Variants in DPP6 observed in about 807,000 individuals in gnomAD.
DPP6 encodes the protein A-type potassium channel modulatory protein DPP6.
A neutral mutation model predicts 122.6 loss-of-function variants in DPP6; 69 were observed. The observed-to-expected ratio is 0.56, with a 90% CI of 0.46 to 0.69. The LOEUF (loss-of-function observed/expected upper bound fraction) is 0.69, where lower values mean the gene tolerates loss of function less well. Among genes scored for constraint, DPP6 ranks in the 30% least tolerant of loss-of-function variants. The pLI, the probability that DPP6 is intolerant of heterozygous loss-of-function variation, is 0.00. For synonymous variants in DPP6, 418 were observed against 433.1 expected, an observed-to-expected ratio of 0.97 and a Z score of 0.43; for missense variants, 928 against 1,116.9, an observed-to-expected ratio of 0.83 and a Z score of 2.41.
chr7:154,497,624 AAAAAG>A (rs1420957753), intron 3 of DPP6, among the ~76,000 whole-genome samples: 2 of 152,178 alleles, frequency 1.3e-5, no homozygotes, highest in Non-Finnish European at 2.9e-5. Flanking sequence ...AAAGAAAAAA[AAAAAG>A]AAAAGAAAAA....
chr7:154,266,121 G>T (rs913403150), intron 1 of DPP6, among the ~76,000 whole-genome samples: 2 of 152,220 alleles, frequency 1.3e-5, no homozygotes, highest in East Asian at 3.9e-4. Flanking sequence ...AGATACTGTT[G>T]TCGTTTCCTT....
chr7:154,758,636 T>G (rs2131500894), intron 8 of DPP6, among the ~76,000 whole-genome samples: 1 of 152,256 alleles, frequency 6.6e-6, no homozygotes, highest in South Asian at 2.1e-4. Context: ...CCTCCCAAAG[T>G]GCTGAGATTA....
At chr7:153,772,878 A>G in the DPP6 span, among the ~76,000 whole-genome samples, 1 of 144,084 alleles carries the variant, frequency 6.9e-6, no homozygotes, top group East Asian at 1.9e-4. Flanking sequence ...TTTCTTTTAT[A>G]TTAATATCAT....
intron 1 of DPP6, among the ~76,000 whole-genome samples, chr7:153,904,080 C>T (rs888301203): frequency 6.6e-6 from 1 of 152,102 alleles, no homozygotes; most frequent in Non-Finnish European, 1.5e-5. Flanking sequence ...GAGATGGACT[C>T]TCACTGTGTT....
chr7:154,802,775 T>C (rs2150452404), intron 13 of DPP6, among the ~76,000 whole-genome samples: 1 of 148,384 alleles, frequency 6.7e-6, no homozygotes, highest in Non-Finnish European at 1.5e-5. Context: ...AGGCGGAGGC[T>C]GCAGTAAGCT....
At chr7:154,195,723 C>T (rs929311213) in intron 1 of DPP6, among the ~76,000 whole-genome samples, 1 of 152,174 alleles carries the variant, frequency 6.6e-6, no homozygotes, top group South Asian at 2.1e-4. Flanking sequence ...TCATTGTCCA[C>T]GTTGGTGTTA....
intron 10 of DPP6, among the ~76,000 whole-genome samples, chr7:154,788,409 A>C (rs920895302): frequency 2.6e-5 from 4 of 151,530 alleles, no homozygotes; most frequent in Admixed American, 1.3e-4. Context: ...GTGCCACTGC[A>C]CTCTAGCCTG....
At chr7:154,368,293 G>T (rs1006816096) in intron 1 of DPP6, among the ~76,000 whole-genome samples, 1 of 152,194 alleles carries the variant, frequency 6.6e-6, no homozygotes, top group Non-Finnish European at 1.5e-5. Context: ...TTATTGGGGT[G>T]CTAGACCAGT....
At chr7:154,748,198 A>G (rs963474864) in intron 8 of DPP6, among the ~76,000 whole-genome samples, 3 of 152,334 alleles carry the variant, frequency 2.0e-5, no homozygotes, top group Admixed American at 6.5e-5. Context: ...CTCTCTGCAC[A>G]GGGCAGAGCT....
At chr7:153,757,023 C>T in the DPP6 span, among the ~76,000 whole-genome samples, 3 of 151,752 alleles carry the variant, frequency 2.0e-5, no homozygotes, top group African/African-American at 7.3e-5. Context: ...AATTATCTTA[C>T]ACCTTGTACC....
chr7:154,876,160 A>T (rs949383905), intron 20 of DPP6, 60 bp downstream of exon 20: 210 of 1,483,546 alleles, frequency 1.4e-4, no homozygotes, highest in Non-Finnish European at 1.7e-4. Flanking sequence ...TCATGGGGGC[A>T]GCACCGCAGT....
chr7:154,437,221 T>C (rs1288404211), intron 1 of DPP6, among the ~76,000 whole-genome samples: 1 of 152,272 alleles, frequency 6.6e-6, no homozygotes, highest in African/African-American at 2.4e-5. Flanking sequence ...TTTTCCATTA[T>C]ACTGGATTAT....
chr7:154,853,638 A>G (rs1048690156), intron 16 of DPP6, 142 bp from the exon 17 acceptor site: 2 of 1,206,290 alleles, frequency 1.7e-6, no homozygotes, highest in Non-Finnish European at 2.3e-6. Flanking sequence ...CCATCCCATC[A>G]TTGATTACTC....
At chr7:154,310,066 A>T (rs1458744172) in intron 1 of DPP6, among the ~76,000 whole-genome samples, 1 of 152,202 alleles carries the variant, frequency 6.6e-6, no homozygotes, top group East Asian at 1.9e-4. Flanking sequence ...TGGCTGCAAA[A>T]TAGGCTGATG....
chr7:153,955,719 G>C (rs13227312), intron 1 of DPP6, among the ~76,000 whole-genome samples: 65,943 of 151,950 alleles, frequency 0.43, 14,535 homozygotes, highest in Admixed American at 0.52. Flanking sequence ...GATTACAGGC[G>C]TGAGTCACTG....
At chr7:153,824,298 A>T in the DPP6 span, among the ~76,000 whole-genome samples, 1 of 150,736 alleles carries the variant, frequency 6.6e-6, no homozygotes, top group Non-Finnish European at 1.5e-5. Flanking sequence ...GAGGCAAAAG[A>T]ATCACTTGAA....
chr7:154,317,872 C>T (rs943342190), intron 1 of DPP6, among the ~76,000 whole-genome samples: 78 of 152,132 alleles, frequency 5.1e-4, no homozygotes, highest in African/African-American at 1.8e-3. Flanking sequence ...AATAAAAACA[C>T]CAAAGAAGAT....
chr7:154,405,773 A>G (rs1257526697), intron 1 of DPP6, among the ~76,000 whole-genome samples: 1 of 152,142 alleles, frequency 6.6e-6, no homozygotes, highest in Non-Finnish European at 1.5e-5. Context: ...GGCTTCCCAC[A>G]ACTCTGTTCA....
intron 10 of DPP6, among the ~76,000 whole-genome samples, chr7:154,773,534 C>T (rs546184734): frequency 4.6e-5 from 7 of 152,068 alleles, no homozygotes; most frequent in African/African-American, 7.2e-5. Flanking sequence ...ATTCAAGCAG[C>T]GTGGGGAATG....
Sources: gnomAD v4.1 joint callset for allele counts (sites outside exome capture counted in the v4.1 genomes callset) on GRCh38, gnomAD v4.1.1 for gene constraint, MANE v1.5 for transcripts, NCBI Gene and HGNC (gene_info 2026-07-23, HGNC 2026-07-21) for gene names.